Variants in IL18R1 observed in about 807,000 individuals in gnomAD.
The protein encoded by IL18R1 is interleukin-18 receptor 1.
Under a neutral mutation model 48.5 loss-of-function variants are expected in IL18R1, and 40 were observed. The observed-to-expected ratio is 0.82, with a 90% CI of 0.64 to 1.07. IL18R1 has a LOEUF of 1.07. IL18R1 is among the 50% of genes least tolerant of loss of function. The pLI is 0.00. For missense variants in IL18R1, 596 were observed against 633.7 expected (o/e 0.94, Z 0.64); for synonymous variants, 232 against 225.9 (o/e 1.03, Z -0.24).
Position 102,367,806 on chromosome 2 carries a change from C to A in IL18R1, c.59-19C>A. ...TTGGTTTTTGTTTTTATTTATTTTA[C>A]TTTACTAATCTTTTGAAGAATCTTG... is the stretch of plus-strand genomic sequence containing the variant. On this transcript the variant is annotated intron_variant, in intron 2 of 10. Coordinates refer to ENST00000233957, the MANE Select transcript of IL18R1 (RefSeq NM_003855.5). 6.3e-7 allele frequency: 1 copy of A among 1,593,066 alleles called. No homozygotes were observed. The highest frequency in any genetic ancestry group is 8.6e-7 in the Non-Finnish European group (1 of 1,166,640).
chr2:102,395,432 C>A (rs1262732161), intron 10 of IL18R1, among the ~76,000 whole-genome samples: 4 of 151,504 alleles, frequency 2.6e-5, no homozygotes, highest in Non-Finnish European at 5.9e-5. Context: ...AAGTTGTGAA[C>A]TGGGCATCAA....
chr2:102,393,077 C>T (rs4851004), intron 9 of IL18R1, among the ~76,000 whole-genome samples: 81,272 of 151,964 alleles, frequency 0.53, 23,576 homozygotes, highest in African/African-American at 0.73. Context: ...TTGATGAAAT[C>T]GTCTTCCCAG....
At chr2:102,369,681 G>C (rs1222620581) in intron 3 of IL18R1, among the ~76,000 whole-genome samples, 1 of 152,228 alleles carries the variant, frequency 6.6e-6, no homozygotes, top group Non-Finnish European at 1.5e-5. Context: ...ATACACATAT[G>C]TGTTCTAACT....
At chr2:102,381,735 G>A in intron 6 of IL18R1, 53 bp downstream of exon 6, 5 of 1,146,578 alleles carry the variant, frequency 4.4e-6, no homozygotes, top group Non-Finnish European at 6.6e-6. Flanking sequence ...ACATAATAGA[G>A]CCTTCCAAGC....
chr2:102,375,713 T>C (rs1486953396), intron 4 of IL18R1, among the ~76,000 whole-genome samples, 194 bp from the exon 5 acceptor site: 1 of 152,194 alleles, frequency 6.6e-6, no homozygotes, highest in African/African-American at 2.4e-5. Context: ...ATGATAATCA[T>C]GCCAACAGCA....
intron 6 of IL18R1, 75 bp from the exon 7 acceptor site, chr2:102,384,803 T>A (rs1680128203): frequency 6.5e-7 from 1 of 1,547,272 alleles, no homozygotes; most frequent in African/African-American, 1.4e-5. Context: ...TTAACATACA[T>A]TGATTATATT....
chr2:102,370,678 C>G (rs1427652924), intron 3 of IL18R1, among the ~76,000 whole-genome samples: 2 of 152,252 alleles, frequency 1.3e-5, no homozygotes, highest in African/African-American at 4.8e-5. Flanking sequence ...TGTATCCTGG[C>G]CCCATCTTGT....
At chr2:102,370,239 T>C (rs551126591) in intron 3 of IL18R1, among the ~76,000 whole-genome samples, 1 of 152,230 alleles carries the variant, frequency 6.6e-6, no homozygotes, top group South Asian at 2.1e-4. Flanking sequence ...GCACATGGAG[T>C]GTCATCAGTC....
Position 102,397,473 on chromosome 2 carries a change from C to T in IL18R1, c.*587C>T, listed in dbSNP as rs1680883503. 6.6e-6 allele frequency: 1 copy of T among 152,402 alleles called. No homozygotes were observed. The highest frequency in any genetic ancestry group is 1.5e-5 in the Non-Finnish European group (1 of 68,106). The allele number at this position is 152,402 out of a possible 1,614,324, so 9.4% of individuals were successfully genotyped here. The stretch of plus-strand genomic sequence containing the variant: ...CTGGCCACAGTTGCAGCCAACGGTT[C>T]TTGAAAGCTCGGTAAGGCCCTGCAA... On this transcript the variant is annotated 3_prime_UTR_variant, in exon 11 of 11. Coordinates refer to ENST00000233957, the MANE Select transcript of IL18R1 (RefSeq NM_003855.5).
rs1305715997 is a variant in IL18R1 at position 102,368,027 on chromosome 2, A to C, written c.261A>C (p.Pro87=). 6.8e-6 allele frequency: 11 copies of C among 1,614,100 alleles called. No homozygotes were observed. Among genetic ancestry groups the C allele is most frequent in the African/African-American group, 1.3e-5 (1 of 74,928 alleles). Reference sequence around the variant, plus strand: ...ATGATTGTGTTTTGGAGTTTTGGCCAGTTGAGTTGAATGACACAGGATCTT... The same window carrying C: ...ATGATTGTGTTTTGGAGTTTTGGCCCGTTGAGTTGAATGACACAGGATCTT... ...ALHDCVLEFW[P]VELNDTGSYF... is the part of the protein sequence containing the mutation. The change falls in exon 3 of 11, where the codon CCA becomes CCC. Residue 87 remains proline (P), a synonymous_variant. Transcript: ENST00000233957.
chr2:102,375,987 C>T lies in IL18R1; in HGVS notation c.549C>T (p.Tyr183=), dbSNP rs1429504196. 1.9e-6 allele frequency: 3 copies of T among 1,608,918 alleles called. No homozygotes were observed. The highest frequency in any genetic ancestry group is 1.3e-5 in the African/African-American group (1 of 74,736). ...CCGAGTTTGAAGATCAGGGGTATTA[C>T]TCCTGCGTGCATTTCCTTCATCATA... is the stretch of plus-strand genomic sequence containing the variant. The part of the protein sequence containing the change: ...KNAEFEDQGY[Y]SCVHFLHHNG... The change falls in exon 5 of 11, where the codon TAC becomes TAT. Residue 183 remains tyrosine (Y), a synonymous_variant. Coordinates refer to ENST00000233957, the MANE Select transcript of IL18R1 (RefSeq NM_003855.5).
At chr2:102,381,795 C>A in intron 6 of IL18R1, 113 bp downstream of exon 6, 1 of 735,116 alleles carries the variant, frequency 1.4e-6, no homozygotes. Context: ...TTCATATTTA[C>A]TGAATAACAT....
intron 5 of IL18R1, among the ~76,000 whole-genome samples, chr2:102,376,897 C>A (rs889471360): frequency 4.6e-5 from 7 of 152,120 alleles, no homozygotes; most frequent in African/African-American, 2.4e-5. Context: ...TTGTTGAAGT[C>A]TTTTTTTTCC....
intron 2 of IL18R1, 76 bp downstream of exon 2, chr2:102,362,794 G>C: frequency 1.2e-6 from 1 of 834,608 alleles, no homozygotes; most frequent in Non-Finnish European, 1.9e-6. Flanking sequence ...TTTTTTATGT[G>C]GTGGCTACTG....
At chr2:102,384,601 G>A (rs776545890) in intron 6 of IL18R1, among the ~76,000 whole-genome samples, 5 of 152,234 alleles carry the variant, frequency 3.3e-5, no homozygotes, top group African/African-American at 7.2e-5. Context: ...CTGATGCTAC[G>A]AAAAGAAAGT....
Position 102,381,017 on chromosome 2 carries a change from C to T in IL18R1, c.626-603C>T, listed in dbSNP as rs1452120681. ...CTTCCCAAGCATCACCAGATGGGGA[C>T]TGAGGGGGCAGAATTTATGTGCAGT... is the stretch of plus-strand genomic sequence containing the variant. On this transcript the variant is annotated intron_variant, in intron 5 of 10. Coordinates refer to ENST00000233957, the MANE Select transcript of IL18R1 (RefSeq NM_003855.5). Among the ~76,000 whole-genome samples, 3 of 152,266 alleles carry T rather than the reference C, an allele frequency of 2.0e-5. No homozygotes were observed. In the East Asian group the frequency reaches 5.8e-4, roughly 29 times the overall value.
chr2:102,365,451 C>T (rs955839788), intron 2 of IL18R1, among the ~76,000 whole-genome samples: 6 of 152,330 alleles, frequency 3.9e-5, no homozygotes, highest in African/African-American at 1.4e-4. Flanking sequence ...CAGCTATGCT[C>T]CTGTGGCTTT....
chr2:102,377,735 T>A (rs1679678341), intron 5 of IL18R1, among the ~76,000 whole-genome samples: 1 of 152,266 alleles, frequency 6.6e-6, no homozygotes, highest in South Asian at 2.1e-4. Context: ...ATCTCCTTTT[T>A]GACTCTGACC....
chr2:102,381,025 G>A (rs149328216), intron 5 of IL18R1, among the ~76,000 whole-genome samples: 11 of 152,318 alleles, frequency 7.2e-5, no homozygotes, highest in Non-Finnish European at 1.6e-4. Context: ...GACTGAGGGG[G>A]CAGAATTTAT....
Sources: gnomAD v4.1 joint callset for allele counts (sites outside exome capture counted in the v4.1 genomes callset) on GRCh38, gnomAD v4.1.1 for gene constraint, MANE v1.5 for transcripts, NCBI Gene and HGNC (gene_info 2026-07-23, HGNC 2026-07-21) for gene names.